The following SLIT3 variants were observed in gnomAD, a reference collection of about 807,000 sequenced individuals.
SLIT3 encodes the protein slit homolog 3 protein.
SLIT3 carries 68 observed loss-of-function variants against 184.0 expected under a neutral mutation model. The observed-to-expected ratio is 0.37, with a 90% confidence interval of 0.30 to 0.45. SLIT3 has a LOEUF of 0.45. Among genes scored for constraint, SLIT3 ranks in the 20% least tolerant of loss-of-function variants. The probability of loss-of-function intolerance (pLI) is 1.00; values close to 1 mark genes in which losing one functional copy is unlikely to be tolerated. For missense variants in SLIT3, 1,707 were observed against 2,026.0 expected (o/e 0.84, Z 3.02); for synonymous variants, 831 against 828.6 (o/e 1.00, Z -0.05).
At chr5:168,808,291 C>G (rs1757045414) in intron 8 of SLIT3, among the ~76,000 whole-genome samples, 1 of 152,044 alleles carries the variant, frequency 6.6e-6, no homozygotes. Context: ...GTGGCAACCA[C>G]AGAGAGCCAA....
chr5:169,168,372 A>G (rs1762709305), intron 4 of SLIT3, among the ~76,000 whole-genome samples: 1 of 152,222 alleles, frequency 6.6e-6, no homozygotes, highest in Non-Finnish European at 1.5e-5. Context: ...ACTGCAGAAC[A>G]CCAGCTCTCT....
At chr5:169,126,460 A>C (rs1303102973) in intron 4 of SLIT3, among the ~76,000 whole-genome samples, 1 of 152,196 alleles carries the variant, frequency 6.6e-6, no homozygotes, top group East Asian at 1.9e-4. Context: ...CCAATTAACA[A>C]AAGAAGTCAG....
At chr5:169,030,753 T>C (rs947147764) in intron 4 of SLIT3, among the ~76,000 whole-genome samples, 2 of 152,230 alleles carry the variant, frequency 1.3e-5, no homozygotes, top group African/African-American at 4.8e-5. Context: ...AAAACAATCA[T>C]ATGAGTTAAG....
chr5:168,722,051 A>C (rs752011050), intron 23 of SLIT3, among the ~76,000 whole-genome samples: 2 of 152,148 alleles, frequency 1.3e-5, no homozygotes, highest in African/African-American at 4.8e-5. Flanking sequence ...AAGGTTCCAC[A>C]GTGGTAGTGC....
chr5:169,284,470 A>G (rs905840267), intron 1 of SLIT3, among the ~76,000 whole-genome samples: 3 of 152,146 alleles, frequency 2.0e-5, no homozygotes, highest in Middle Eastern at 3.2e-3. Context: ...AAATTCATGG[A>G]CAAATCAATA....
intron 1 of SLIT3, among the ~76,000 whole-genome samples, chr5:169,256,838 C>T (rs1765976944): frequency 6.6e-6 from 1 of 152,126 alleles, no homozygotes; most frequent in African/African-American, 2.4e-5. Context: ...TGTTCCTTCT[C>T]TCAAGCTCAA....
intron 7 of SLIT3, among the ~76,000 whole-genome samples, chr5:168,822,205 T>C (rs984238320): frequency 2.0e-5 from 3 of 152,210 alleles, no homozygotes; most frequent in Admixed American, 2.0e-4. Context: ...ACAGATCAGA[T>C]GGCTGCTTGG....
chr5:168,874,501 C>A (rs143851385), intron 5 of SLIT3, among the ~76,000 whole-genome samples: 3 of 152,194 alleles, frequency 2.0e-5, no homozygotes, highest in African/African-American at 7.2e-5. Flanking sequence ...TCTCCTTTTA[C>A]GTAACTTACA....
intron 3 of SLIT3, among the ~76,000 whole-genome samples, chr5:169,230,859 T>C (rs774950701): frequency 6.6e-6 from 1 of 152,146 alleles, no homozygotes; most frequent in African/African-American, 2.4e-5. Flanking sequence ...TAAATATGCA[T>C]CTTAAAAAGT....
At chr5:168,851,248 G>A (rs975606754) in intron 5 of SLIT3, among the ~76,000 whole-genome samples, 5 of 151,424 alleles carry the variant, frequency 3.3e-5, no homozygotes, top group Admixed American at 1.3e-4. Context: ...GCGTGAACCC[G>A]GGAGGCGGAG....
At chr5:168,858,968 G>A (rs181224028) in intron 5 of SLIT3, among the ~76,000 whole-genome samples, 18 of 152,318 alleles carry the variant, frequency 1.2e-4, no homozygotes, top group Admixed American at 1.0e-3. Context: ...AACAGAGAGT[G>A]AGGCTTGCGG....
intron 4 of SLIT3, among the ~76,000 whole-genome samples, chr5:169,140,156 C>T (rs969516422): frequency 1.3e-5 from 2 of 151,694 alleles, no homozygotes; most frequent in East Asian, 1.9e-4. Context: ...GGAGATGGGG[C>T]GAAGGTGTGC....
Position 169,248,163 on chromosome 5 carries a change from C to T in SLIT3, c.269+3225G>A, listed in dbSNP as rs563248369. Among the ~76,000 whole-genome samples the T allele has an allele frequency of 5.3e-5, 8 of 152,276 alleles. No homozygotes were observed. In the East Asian group the frequency reaches 9.7e-4, roughly 18 times the overall value. Reference sequence around the variant, plus strand: ...CTTCCTCCCTGTGCTCCTTAAGGCCCAGGGGACAGTAGTGACCCCGTTTTG... The same window carrying T: ...CTTCCTCCCTGTGCTCCTTAAGGCCTAGGGGACAGTAGTGACCCCGTTTTG... On this transcript the variant is annotated intron_variant, in intron 2 of 35. Transcript: ENST00000519560.
intron 4 of SLIT3, among the ~76,000 whole-genome samples, chr5:169,059,142 T>A (rs1364716443): frequency 2.0e-5 from 3 of 152,128 alleles, no homozygotes; most frequent in African/African-American, 4.8e-5. Flanking sequence ...TCCTTTGACT[T>A]CTTGGTAGAG....
At chr5:168,872,350 C>T (rs773580141) in intron 5 of SLIT3, among the ~76,000 whole-genome samples, 20 of 152,078 alleles carry the variant, frequency 1.3e-4, no homozygotes, top group Non-Finnish European at 2.6e-4. Flanking sequence ...TTGTCAAAAC[C>T]CATCCAACGT....
chr5:168,923,734 T>C (rs923884680), intron 4 of SLIT3, among the ~76,000 whole-genome samples: 1 of 152,222 alleles, frequency 6.6e-6, no homozygotes, highest in Admixed American at 6.5e-5. Context: ...GGCAGGCTGG[T>C]CTTGAACTCC....
At chr5:168,955,512 G>T (rs1762797600) in intron 4 of SLIT3, among the ~76,000 whole-genome samples, 1 of 152,268 alleles carries the variant, frequency 6.6e-6, no homozygotes, top group South Asian at 2.1e-4. Context: ...TCTTCTATGG[G>T]TTAGGCTGGT....
rs551254867 is a variant in SLIT3 at position 169,278,742 on chromosome 5, G to A, written c.197+21771C>T. 1.5e-3 allele frequency among the ~76,000 whole-genome samples: 223 copies of A among 152,150 alleles called. 1 individual carries two copies. The highest frequency in any genetic ancestry group is 0.01 in the South Asian group (49 of 4,818). ...AAGGTTTGAGACAAGGAACCCCTCC[G>A]CCATGTTTCTTCACATGGGCTACCC... On this transcript the variant is annotated intron_variant, in intron 1 of 35. Coordinates refer to ENST00000519560, the MANE Select transcript of SLIT3 (RefSeq NM_003062.4).
intron 4 of SLIT3, among the ~76,000 whole-genome samples, chr5:169,184,898 G>A (rs999386447): frequency 2.6e-5 from 4 of 152,202 alleles, no homozygotes; most frequent in Admixed American, 6.5e-5. Flanking sequence ...AGTTTGAGAA[G>A]CACTGGTCTA....
Sources: gnomAD v4.1 joint callset for allele counts (sites outside exome capture counted in the v4.1 genomes callset) on GRCh38, gnomAD v4.1.1 for gene constraint, MANE v1.5 for transcripts, NCBI Gene and HGNC (gene_info 2026-07-23, HGNC 2026-07-21) for gene names.